PDE5A: variants seen among roughly 807,000 people sequenced by gnomAD.
PDE5A encodes the protein phosphodiesterase 5A, also known as cGMP-specific 3',5'-cyclic phosphodiesterase.
PDE5A carries 67 observed loss-of-function variants against 110.2 expected under a neutral mutation model. The observed-to-expected ratio is 0.61, with a 90% confidence interval of 0.50 to 0.75. The LOEUF (loss-of-function observed/expected upper bound fraction) is 0.75, where lower values mean the gene tolerates loss of function less well. PDE5A is among the 30% of genes least tolerant of loss of function. The pLI, the probability that PDE5A is intolerant of heterozygous loss-of-function variation, is 0.00. For synonymous variants in PDE5A, 328 were observed against 351.2 expected, an observed-to-expected ratio of 0.93 and a Z score of 0.74; for missense variants, 862 against 1,045.1, an observed-to-expected ratio of 0.82 and a Z score of 2.42.
At chr4:119,579,523 G>A (rs1728509265) in intron 3 of PDE5A, among the ~76,000 whole-genome samples, 1 of 151,942 alleles carries the variant, frequency 6.6e-6, no homozygotes. Flanking sequence ...AAAATGATGA[G>A]TTCATGTCCT....
intron 1 of PDE5A, among the ~76,000 whole-genome samples, chr4:119,620,812 A>C (rs1031916414): frequency 5.3e-5 from 8 of 152,212 alleles, no homozygotes; most frequent in African/African-American, 1.7e-4. Context: ...AAAAGACGTA[A>C]ATTTAATATG....
intron 1 of PDE5A, among the ~76,000 whole-genome samples, chr4:119,613,223 CAG>C (rs1165916024): frequency 6.6e-6 from 1 of 152,142 alleles, no homozygotes; most frequent in Non-Finnish European, 1.5e-5. Flanking sequence ...TAAGAATTAG[CAG>C]AGTGTCATTA....
intron 11 of PDE5A, among the ~76,000 whole-genome samples, chr4:119,529,428 ACT>A (rs1285269420): frequency 6.6e-6 from 1 of 152,060 alleles, no homozygotes; most frequent in African/African-American, 2.4e-5. Flanking sequence ...CATTTCCTTG[ACT>A]CTCTTGCAAC....
intron 9 of PDE5A, among the ~76,000 whole-genome samples, chr4:119,542,841 A>T (rs1726989370): frequency 6.6e-6 from 1 of 152,132 alleles, no homozygotes; most frequent in East Asian, 1.9e-4. Flanking sequence ...CAAAATGTAC[A>T]TTGCTGGCGT....
rs1365250566 is a variant in PDE5A, at chr4:119,495,582, T to A, written c.*3019A>T. 2.0e-5 allele frequency: 3 copies of A among 152,602 alleles called. No homozygotes were observed. The highest frequency in any genetic ancestry group is 2.9e-5 in the Non-Finnish European group (2 of 68,032). 9.5% of individuals were successfully genotyped at this position (152,602 alleles called of 1,614,324 possible). A position where few individuals can be genotyped will look rare whatever the true frequency, so the allele number is the denominator to read the frequency against. ...GCTGAAAATAAAGGCACTTCACTGC[T>A]AGGCAAGAATATATCTGTGACTGAA... On this transcript the variant is annotated 3_prime_UTR_variant, in exon 21 of 21. Coordinates refer to ENST00000354960, the MANE Select transcript of PDE5A (RefSeq NM_001083.4).
In PDE5A at chr4:119,499,256, A is replaced by C. The variant is rs1725203282; in HGVS notation, c.2491-518T>G. Among the ~76,000 whole-genome samples, 4 of 152,286 alleles carry C rather than the reference A, an allele frequency of 2.6e-5. No individual in the cohort carries two copies. In the South Asian group the frequency reaches 8.3e-4, roughly 32 times the overall value. On this transcript the variant is annotated intron_variant, in intron 20 of 20. Coordinates refer to ENST00000354960, the MANE Select transcript of PDE5A (RefSeq NM_001083.4). The stretch of plus-strand genomic sequence containing the variant: ...GAATGTTCATTTCAGATTTCTTCCT[A>C]ATAGTGAACCACTTAAAATGACAAA...
rs1725027886 is a variant in PDE5A at position 119,495,448 on chromosome 4, A to G, written c.*3153T>C. ...TCATATTAAATCAATCTTGTAAACAAAAGACAATTGCTTGTGATGGCCTGT... is the reference window on the plus strand; with the variant it reads ...TCATATTAAATCAATCTTGTAAACAGAAGACAATTGCTTGTGATGGCCTGT... On this transcript the variant is annotated 3_prime_UTR_variant, in exon 21 of 21. Transcript: ENST00000354960. 6.6e-6 allele frequency: 1 copy of G among 152,470 alleles called. No homozygotes were observed. The highest frequency in any genetic ancestry group is 1.5e-5 in the Non-Finnish European group (1 of 68,018). 9.4% of individuals were successfully genotyped at this position (152,470 alleles called of 1,614,324 possible). A position where few individuals can be genotyped will look rare whatever the true frequency, so the allele number is the denominator to read the frequency against.
intron 3 of PDE5A, among the ~76,000 whole-genome samples, chr4:119,568,554 T>G (rs1334706299): frequency 6.6e-6 from 1 of 152,166 alleles, no homozygotes; most frequent in Non-Finnish European, 1.5e-5. Context: ...GAATCAAGAA[T>G]GAGTGATACA....
At chr4:119,558,916 CA>C (rs11392885) in intron 7 of PDE5A, among the ~76,000 whole-genome samples, 113 of 104,664 alleles carry the variant, frequency 1.1e-3, no homozygotes, top group African/African-American at 4.2e-3. Flanking sequence ...GACTCCGTCT[CA>C]AAAAAAAAAA....
chr4:119,617,468 A>G (rs1329884829), intron 1 of PDE5A, among the ~76,000 whole-genome samples: 1 of 152,172 alleles, frequency 6.6e-6, no homozygotes, highest in African/African-American at 2.4e-5. Context: ...TCACATTACA[A>G]AATGAATCTT....
intron 9 of PDE5A, among the ~76,000 whole-genome samples, chr4:119,550,631 G>T (rs1274246830): frequency 1.3e-5 from 2 of 152,176 alleles, no homozygotes; most frequent in African/African-American, 4.8e-5. Context: ...TTATTCCAAA[G>T]AAATGTTGCT....
intron 1 of PDE5A, among the ~76,000 whole-genome samples, chr4:119,609,760 T>A (rs1266599330): frequency 2.6e-5 from 4 of 152,172 alleles, no homozygotes; most frequent in Non-Finnish European, 5.9e-5. Context: ...TAAAAATTGC[T>A]GAAAGAGATT....
chr4:119,535,719 A>G (rs1396279827), intron 11 of PDE5A, among the ~76,000 whole-genome samples: 2 of 152,178 alleles, frequency 1.3e-5, no homozygotes, highest in East Asian at 3.8e-4. Context: ...CTCAAGCAAC[A>G]GAAGTGGAAA....
At chr4:119,597,066 T>C (rs1729177758) in intron 2 of PDE5A, among the ~76,000 whole-genome samples, 1 of 152,086 alleles carries the variant, frequency 6.6e-6, no homozygotes, top group Non-Finnish European at 1.5e-5. Flanking sequence ...ATCTCAAGTA[T>C]TCCTAAGAGT....
chr4:119,606,629 C>G, intron 2 of PDE5A, 80 bp downstream of exon 2: 1 of 885,578 alleles, frequency 1.1e-6, no homozygotes, highest in Non-Finnish European at 1.8e-6. Flanking sequence ...TGATTGCTAT[C>G]CAATGCCCCA....
At chr4:119,519,655 G>A (rs1726049837) in intron 13 of PDE5A, 2 of 152,280 alleles carry the variant, frequency 1.3e-5, no homozygotes, top group South Asian at 4.1e-4. Flanking sequence ...TATCTGCTAT[G>A]AGTATTATCA....
intron 2 of PDE5A, among the ~76,000 whole-genome samples, chr4:119,600,008 C>T (rs1194319573): frequency 6.6e-6 from 1 of 151,944 alleles, no homozygotes; most frequent in Non-Finnish European, 1.5e-5. Context: ...GTTCATCTAT[C>T]CAGTGAAAAT....
intron 9 of PDE5A, among the ~76,000 whole-genome samples, chr4:119,547,484 TGAGAAA>T (rs1417263896): frequency 6.6e-6 from 1 of 151,820 alleles, no homozygotes; most frequent in Non-Finnish European, 1.5e-5. Context: ...GGCAACAGAG[TGAGAAA>T]GAGAAAGGTG....
chr4:119,547,142 C>G (rs1417321210), intron 9 of PDE5A, among the ~76,000 whole-genome samples: 5 of 126,880 alleles, frequency 3.9e-5, no homozygotes, highest in African/African-American at 1.4e-4. Flanking sequence ...CAAATTCTTT[C>G]TCAGTTACTC....
Sources: gnomAD v4.1 joint callset for allele counts (sites outside exome capture counted in the v4.1 genomes callset) on GRCh38, gnomAD v4.1.1 for gene constraint, MANE v1.5 for transcripts, NCBI Gene and HGNC (gene_info 2026-07-23, HGNC 2026-07-21) for gene names.